The following TFDP2 variants were observed in gnomAD, a reference collection of about 807,000 sequenced individuals.
The protein encoded by TFDP2 is transcription factor Dp-2 (E2F dimerization partner 2).
A neutral mutation model predicts 59.3 loss-of-function variants in TFDP2; 17 were observed. The ratio of observed to expected loss-of-function variants is 0.29; its 90% CI spans 0.20 to 0.43. The LOEUF is 0.43. Among genes scored for constraint, TFDP2 ranks in the 20% least tolerant of loss-of-function variants. TFDP2 has a pLI of 1.00. For missense variants in TFDP2, 391 were observed against 528.8 expected (o/e 0.74, Z 2.56); for synonymous variants, 180 against 194.7 (o/e 0.92, Z 0.63).
chr3:141,970,965 C>T (rs1052528122), intron 8 of TFDP2, among the ~76,000 whole-genome samples: 4 of 150,976 alleles, frequency 2.6e-5, no homozygotes, highest in African/African-American at 4.9e-5. Flanking sequence ...GGCTGAGACA[C>T]GAGAATTGCT....
At chr3:142,105,722 T>C (rs1366881138) in intron 1 of TFDP2, among the ~76,000 whole-genome samples, 2 of 152,208 alleles carry the variant, frequency 1.3e-5, no homozygotes, top group African/African-American at 2.4e-5. Context: ...TTTTGTTTGG[T>C]ATTCCTTTGA....
chr3:142,022,115 C>T (rs1945664161), intron 3 of TFDP2, among the ~76,000 whole-genome samples: 1 of 152,168 alleles, frequency 6.6e-6, no homozygotes, highest in African/African-American at 2.4e-5. Flanking sequence ...TGTATGTCCT[C>T]AAACAACTTG....
chr3:142,007,153 G>A (rs1318507598), intron 3 of TFDP2, among the ~76,000 whole-genome samples: 5 of 152,028 alleles, frequency 3.3e-5, no homozygotes, highest in East Asian at 1.9e-4. Flanking sequence ...CTCTGTCTCC[G>A]GAATTTTCAA....
chr3:142,135,884 T>C (rs142308116), intron 1 of TFDP2, among the ~76,000 whole-genome samples: 9,789 of 152,154 alleles, frequency 0.064, 495 homozygotes, highest in Middle Eastern at 0.16. Context: ...TGTGTCTTTA[T>C]AGTAGCATGA....
intron 1 of TFDP2, among the ~76,000 whole-genome samples, chr3:142,143,328 G>A (rs1345784946): frequency 6.6e-6 from 1 of 152,144 alleles, no homozygotes; most frequent in African/African-American, 2.4e-5. Flanking sequence ...AAAATCTCCA[G>A]GACATTGGTC....
chr3:142,091,324 A>G (rs1338698824), intron 3 of TFDP2, among the ~76,000 whole-genome samples: 1 of 152,146 alleles, frequency 6.6e-6, no homozygotes, highest in Non-Finnish European at 1.5e-5. Context: ...CCCACAGACT[A>G]TTACTATTAT....
chr3:142,032,959 G>A (rs891766986), intron 3 of TFDP2, among the ~76,000 whole-genome samples: 4 of 152,128 alleles, frequency 2.6e-5, no homozygotes, highest in African/African-American at 9.7e-5. Context: ...ACTTTGAGAG[G>A]CTGTGGCGGG....
chr3:141,954,633 C>CAAAAAAAAA (rs11454904), intron 11 of TFDP2, among the ~76,000 whole-genome samples: 1 of 149,168 alleles, frequency 6.7e-6, no homozygotes, highest in Non-Finnish European at 1.5e-5. Flanking sequence ...TCAAAAAAAA[C>CAAAAAAAAA]AAAAAAAAAC....
chr3:142,060,287 C>T (rs1028672578), intron 3 of TFDP2, among the ~76,000 whole-genome samples: 8 of 152,172 alleles, frequency 5.3e-5, no homozygotes, highest in South Asian at 4.1e-4. Context: ...GGATTATAGG[C>T]GTGAGCCACT....
At chr3:142,113,894 G>T (rs1231270756) in intron 1 of TFDP2, among the ~76,000 whole-genome samples, 3 of 152,174 alleles carry the variant, frequency 2.0e-5, no homozygotes, top group Non-Finnish European at 4.4e-5. Context: ...GCCGGGCGGG[G>T]TGGCTCACGC....
At chr3:141,968,269 TATATATA>T (rs1260525760) in intron 9 of TFDP2, among the ~76,000 whole-genome samples, 5 of 131,766 alleles carry the variant, frequency 3.8e-5, no homozygotes, top group East Asian at 4.0e-4. Flanking sequence ...TATATATAAT[TATATATA>T]ATATATAACA....
chr3:142,016,677 A>C (rs959040395), intron 3 of TFDP2, among the ~76,000 whole-genome samples: 2 of 152,194 alleles, frequency 1.3e-5, no homozygotes, highest in African/African-American at 2.4e-5. Context: ...CATTAAAATA[A>C]ATTTCACCTG....
intron 10 of TFDP2, among the ~76,000 whole-genome samples, chr3:141,963,375 T>C (rs1343042581): frequency 6.6e-6 from 1 of 152,208 alleles, no homozygotes; most frequent in Non-Finnish European, 1.5e-5. Flanking sequence ...CATGCATAAC[T>C]ATGATATAGC....
In TFDP2 at chr3:142,035,248, T is replaced by C. The variant is rs183273136; in HGVS notation, c.83-29704A>G. On this transcript the variant is annotated intron_variant, in intron 3 of 12. Transcript: ENST00000489671. ...AGCTGTTTGGGAAAAGTGGAACATA[T>C]GGATTCCTGCTTAAAAACTTTCAGT... Among the ~76,000 whole-genome samples the C allele has an allele frequency of 3.0e-4, 45 of 152,328 alleles. No individual in the cohort carries two copies. The East Asian group carries it at 8.1e-3, about 27-fold the overall frequency.
intron 1 of TFDP2, among the ~76,000 whole-genome samples, chr3:142,140,170 C>T (rs2062890916): frequency 6.6e-6 from 1 of 152,174 alleles, no homozygotes; most frequent in Admixed American, 6.5e-5. Flanking sequence ...GCCTTTGAAG[C>T]TTGTGCATGC....
intron 10 of TFDP2, among the ~76,000 whole-genome samples, chr3:141,962,294 C>G (rs1183967510): frequency 6.6e-6 from 1 of 152,066 alleles, no homozygotes; most frequent in Non-Finnish European, 1.5e-5. Context: ...ACTTCATAAC[C>G]TCTACTATTT....
intron 10 of TFDP2, among the ~76,000 whole-genome samples, chr3:141,961,812 C>A (rs1195092842): frequency 6.6e-6 from 1 of 152,126 alleles, no homozygotes; most frequent in African/African-American, 2.4e-5. Context: ...GAAGTGTGCA[C>A]CTGCAGTCCT....
Position 141,977,128 on chromosome 3 carries a change from T to C in TFDP2, c.519+1392A>G, listed in dbSNP as rs867528796. On this transcript the variant is annotated intron_variant, in intron 7 of 12. Transcript: ENST00000489671. ...TATATTTTTTTTTTTTTTTTTTTTT[T>C]CCCCCCAAAGAGACGAAGTCTTGCT... 3.0e-3 allele frequency among the ~76,000 whole-genome samples: 330 copies of C among 110,748 alleles called. 3 individuals are homozygous for C. Among genetic ancestry groups the C allele is most frequent in the South Asian group, 6.1e-3 (22 of 3,584 alleles). The allele number at this position is 110,748 out of a possible 152,430, so 72.7% of individuals were successfully genotyped here.
Position 141,963,948 on chromosome 3 carries a change from T to C in TFDP2, c.748A>G (p.Asn250Asp). 1 of 1,613,400 alleles carries C rather than the reference T, an allele frequency of 6.2e-7. No homozygotes were observed. Among genetic ancestry groups the C allele is most frequent in the South Asian group, 1.1e-5 (1 of 90,916 alleles). Residue 250 changes from asparagine to aspartate, a missense_variant, in exon 10 of 13, where the codon AAC (asparagine) becomes GAC (aspartate). Asn to Asp is a conservative substitution (Grantham distance 23). Coordinates refer to ENST00000489671, the MANE Select transcript of TFDP2 (RefSeq NM_001178139.2). ...TTTTGTCGATTTCTCTGTACCAGGT[T>C]TTTGAAAGCGATTTGCTGTAATGAT... The part of the protein sequence containing the change: ...ELLLQQIAFK[N>D]LVQRNRQNEQ...
Sources: allele counts gnomAD v4.1 joint callset (sites outside exome capture counted in the v4.1 genomes callset), GRCh38; gene constraint gnomAD v4.1.1; transcripts MANE v1.5; gene names NCBI Gene and HGNC (gene_info 2026-07-23, HGNC 2026-07-21).